GK: variants seen among roughly 807,000 people sequenced by gnomAD.
The protein encoded by GK is ATP:glycerol 3-phosphotransferase.
GK carries 9 observed loss-of-function variants against 56.4 expected under a neutral mutation model. The observed-to-expected ratio is 0.16, with a 90% CI of 0.10 to 0.28. The LOEUF (loss-of-function observed/expected upper bound fraction) is 0.28, where lower values mean the gene tolerates loss of function less well. Among genes scored for constraint, GK ranks in the 10% least tolerant of loss-of-function variants. The pLI, the probability that GK is intolerant of heterozygous loss-of-function variation, is 1.00. For synonymous variants in GK, 104 were observed against 144.1 expected, an observed-to-expected ratio of 0.72 and a Z score of 1.99; for missense variants, 161 against 431.4, an observed-to-expected ratio of 0.37 and a Z score of 5.55.
chrX:30,704,760 C>CG (rs1326873113), intron 11 of GK, among the ~76,000 whole-genome samples: 1 of 109,196 alleles, frequency 9.2e-6, no homozygotes, highest in Non-Finnish European at 1.9e-5. Context: ...TTAGTAGAGA[C>CG]GGGGTTTCAC....
intron 11 of GK, among the ~76,000 whole-genome samples, chrX:30,705,140 A>G (rs1226297814): frequency 8.9e-6 from 1 of 111,988 alleles, no homozygotes; most frequent in Non-Finnish European, 1.9e-5. Context: ...TGAAAGTTGT[A>G]AAATAAATGG....
At chrX:30,697,149 T>C (rs1426574176) in intron 8 of GK, among the ~76,000 whole-genome samples, 1 of 112,777 alleles carries the variant, frequency 8.9e-6, no homozygotes, top group Non-Finnish European at 1.9e-5. Flanking sequence ...GATTTGGGAT[T>C]GCTAATTAAA....
chrX:30,666,707 A>C (rs1156780305), intron 2 of GK, among the ~76,000 whole-genome samples: 1 of 112,349 alleles, frequency 8.9e-6, no homozygotes, highest in Non-Finnish European at 1.9e-5. Context: ...AATTTTTTAG[A>C]GTTCCTTTGT....
chrX:30,722,966 G>A (rs1398446883), intron 18 of GK, among the ~76,000 whole-genome samples: 4 of 111,756 alleles, frequency 3.6e-5, no homozygotes, highest in Non-Finnish European at 7.5e-5. Context: ...TTTTTGTTTA[G>A]ACTTTCTATT....
At position 30,720,916 on chromosome X, in the gene GK, A is replaced by G. The variant is rs1195884211; in HGVS notation, c.1422A>G (p.Gly474=). Residue 474 remains glycine, a synonymous_variant, in exon 18 of 21, where the codon GGA becomes GGG. Transcript: ENST00000427190. Reference sequence around the variant, plus strand: ...CTATGGCGGCAGGGGCTGCAGAAGGAGTCGGCGTATGGAGTCTCGAACCCG... The same window carrying G: ...CTATGGCGGCAGGGGCTGCAGAAGGGGTCGGCGTATGGAGTCTCGAACCCG... The part of the protein sequence containing the change: ...GAAMAAGAAE[G]VGVWSLEPED... 2 of 1,209,809 alleles carry G rather than the reference A, an allele frequency of 1.7e-6. No homozygotes were observed. Among genetic ancestry groups the G allele is most frequent in the East Asian group, 3.0e-5 (1 of 33,778 alleles).
rs898508280 is a variant in GK at position 30,731,321 on chromosome X, G to A, written c.*2579G>A. ...AGTGTTTACAACATAGTAGATAGAA[G>A]TACAAAAATTTTTTTAACTATAACT... On this transcript the variant is annotated 3_prime_UTR_variant, in exon 21 of 21. Transcript: ENST00000427190. 3 of 111,751 alleles carry A rather than the reference G, an allele frequency of 2.7e-5. No individual in the cohort carries two copies. The highest frequency in any genetic ancestry group is 9.8e-5 in the African/African-American group (3 of 30,759). The allele number at this position is 111,751 out of a possible 1,213,427, so 9.2% of individuals were successfully genotyped here.
At chrX:30,695,158 C>A in intron 6 of GK, 1 of 858,305 alleles carries the variant, frequency 1.2e-6, no homozygotes, top group Non-Finnish European at 1.5e-6. Context: ...TCTTTTTTAA[C>A]ATTCAAGGGA....
intron 13 of GK, among the ~76,000 whole-genome samples, chrX:30,713,101 A>AT (rs1936438895): frequency 1.8e-5 from 2 of 111,525 alleles, no homozygotes; most frequent in Non-Finnish European, 3.8e-5. Flanking sequence ...CTTGTCTTCC[A>AT]TTAAGCCATA....
chrX:30,692,355 T>C (rs1402647198), intron 5 of GK, among the ~76,000 whole-genome samples: 1 of 111,896 alleles, frequency 8.9e-6, no homozygotes, highest in African/African-American at 3.2e-5. Context: ...TTACACTTTC[T>C]ACCCCCATGA....
At chrX:30,724,687 T>A (rs1217590183) in intron 19 of GK, 5 of 273,880 alleles carry the variant, frequency 1.8e-5, no homozygotes, top group Non-Finnish European at 3.4e-5. Flanking sequence ...CGAACTCTTA[T>A]AAATAGATTG....
intron 3 of GK, among the ~76,000 whole-genome samples, chrX:30,669,142 G>A (rs1367363127): frequency 9.1e-6 from 1 of 109,923 alleles, no homozygotes; most frequent in Non-Finnish European, 1.9e-5. Context: ...AATTGCTTGA[G>A]GGTGTTAGAT....
Position 30,694,489 on chromosome X carries a change from T to A in GK, c.504T>A (p.Val168=). 1 of 1,207,653 alleles carries A rather than the reference T, an allele frequency of 8.3e-7. No homozygotes were observed. The change falls in exon 6 of 21, where the codon GTT becomes GTA. Residue 168 remains valine (V), a synonymous_variant. Transcript: ENST00000427190. ...ATGTGAGAAAAGTTCAAAAGGCCGT[T>A]GAAGAAAAACGAGCTCTTTTTGGGA... is the stretch of plus-strand genomic sequence containing the variant. The part of the protein sequence containing the change: ...LDNVRKVQKA[V]EEKRALFGTI...
intron 11 of GK, among the ~76,000 whole-genome samples, chrX:30,706,405 A>G (rs753438632): frequency 1.8e-5 from 2 of 112,177 alleles, no homozygotes; most frequent in Non-Finnish European, 3.8e-5. Context: ...GCACTGTCCC[A>G]TCTTTCAGTT....
At chrX:30,727,648 G>A in intron 20 of GK, 96 bp downstream of exon 20, 1 of 572,851 alleles carries the variant, frequency 1.7e-6, no homozygotes, top group Non-Finnish European at 2.9e-6. Flanking sequence ...CATTCTTTCT[G>A]TGTCTAGGAA....
At chrX:30,664,052 ATATC>A (rs1347558404) in intron 1 of GK, among the ~76,000 whole-genome samples, 2 of 87,516 alleles carry the variant, frequency 2.3e-5, no homozygotes, top group African/African-American at 4.3e-5. Flanking sequence ...TATTTTATAT[ATATC>A]TATATATATT....
chrX:30,659,336 T>C (rs913487557), intron 1 of GK, among the ~76,000 whole-genome samples: 1 of 112,522 alleles, frequency 8.9e-6, no homozygotes, highest in East Asian at 2.8e-4. Flanking sequence ...CTCGGCCAAT[T>C]TCATTTTTAA....
chrX:30,700,578 T>C, intron 10 of GK, 129 bp downstream of exon 10: 1 of 566,767 alleles, frequency 1.8e-6, no homozygotes. Flanking sequence ...ATTGGCTAAT[T>C]CTTGTTCTTA....
chrX:30,661,203 C>T (rs1932740573), intron 1 of GK, among the ~76,000 whole-genome samples: 3 of 111,743 alleles, frequency 2.7e-5, no homozygotes, highest in African/African-American at 9.8e-5. Flanking sequence ...CTCAAACACA[C>T]ATTATCTAAA....
At chrX:30,669,557 C>G (rs1164058730) in intron 3 of GK, among the ~76,000 whole-genome samples, 1 of 111,710 alleles carries the variant, frequency 9.0e-6, no homozygotes, top group Non-Finnish European at 1.9e-5. Flanking sequence ...TCCAGCCACC[C>G]AAGATTGATA....
Sources: gnomAD v4.1 joint callset for allele counts (sites outside exome capture counted in the v4.1 genomes callset) on GRCh38, gnomAD v4.1.1 for gene constraint, MANE v1.5 for transcripts, NCBI Gene and HGNC (gene_info 2026-07-23, HGNC 2026-07-21) for gene names.